Variants in KSR2 observed in about 807,000 individuals in gnomAD.
KSR2 encodes kinase suppressor of ras 2.
Under a neutral mutation model 107.8 loss-of-function variants are expected in KSR2, and 25 were observed. The observed-to-expected ratio is 0.23, with a 90% CI of 0.17 to 0.32. KSR2 has a LOEUF of 0.32. Ranked by LOEUF, KSR2 falls within the 10% of genes least tolerant of loss-of-function variation. The pLI is 1.00. For synonymous variants in KSR2, 480 were observed against 507.0 expected (o/e 0.95, Z 0.71); for missense variants, 887 against 1,268.9 (o/e 0.70, Z 4.57).
At chr12:117,741,023 T>G (rs995379916) in intron 4 of KSR2, among the ~76,000 whole-genome samples, 2 of 152,190 alleles carry the variant, frequency 1.3e-5, no homozygotes, top group African/African-American at 4.8e-5. Flanking sequence ...TTATTCACTC[T>G]TCTATCTCTG....
chr12:117,832,520 C>T (rs1892015593), intron 3 of KSR2, among the ~76,000 whole-genome samples: 1 of 152,240 alleles, frequency 6.6e-6, no homozygotes, highest in South Asian at 2.1e-4. Flanking sequence ...CATCACCTCA[C>T]TGCGTCCTCA....
intron 4 of KSR2, among the ~76,000 whole-genome samples, chr12:117,734,890 A>G (rs1887880736): frequency 6.6e-6 from 1 of 152,196 alleles, no homozygotes; most frequent in African/African-American, 2.4e-5. Context: ...TAGAGAACAC[A>G]GAGGAGCTTC....
At chr12:117,584,156 T>A (rs575836775) in intron 5 of KSR2, among the ~76,000 whole-genome samples, 2 of 152,312 alleles carry the variant, frequency 1.3e-5, no homozygotes, top group East Asian at 1.9e-4. Flanking sequence ...GCATGATTTA[T>A]CAATCAGAAT....
chr12:117,783,713 G>A (rs1889964823), intron 3 of KSR2, among the ~76,000 whole-genome samples: 1 of 152,176 alleles, frequency 6.6e-6, no homozygotes. Context: ...GCCAAAAGTT[G>A]GCAGGATTTA....
chr12:117,502,083 A>G (rs192212861), intron 14 of KSR2, among the ~76,000 whole-genome samples: 2 of 152,366 alleles, frequency 1.3e-5, no homozygotes, highest in Admixed American at 6.5e-5. Flanking sequence ...AAAAGCCACA[A>G]GTGTGACATA....
chr12:117,568,111 CCCAGCA>C (rs1408418126), intron 7 of KSR2, among the ~76,000 whole-genome samples: 7 of 152,134 alleles, frequency 4.6e-5, no homozygotes, highest in African/African-American at 1.7e-4. Context: ...ACCAGGAACC[CCCAGCA>C]CTTTTCTCTC....
intron 4 of KSR2, among the ~76,000 whole-genome samples, chr12:117,714,557 C>A (rs1886907581): frequency 6.6e-6 from 1 of 152,180 alleles, no homozygotes; most frequent in South Asian, 2.1e-4. Context: ...ACCTTTGAAG[C>A]AACGATTCTC....
At chr12:117,604,841 G>C (rs2136299230) in intron 5 of KSR2, among the ~76,000 whole-genome samples, 1 of 152,282 alleles carries the variant, frequency 6.6e-6, no homozygotes, top group South Asian at 2.1e-4. Flanking sequence ...TCTGACGGAG[G>C]TGGCCCGCTG....
chr12:117,911,056 A>C (rs2137427587), intron 1 of KSR2, among the ~76,000 whole-genome samples: 1 of 152,168 alleles, frequency 6.6e-6, no homozygotes, highest in South Asian at 2.1e-4. Flanking sequence ...ATCCTTCAAA[A>C]CCCAATTCAA....
At chr12:117,916,244 C>A (rs1895170982) in intron 1 of KSR2, among the ~76,000 whole-genome samples, 1 of 146,454 alleles carries the variant, frequency 6.8e-6, no homozygotes, top group East Asian at 2.1e-4. Flanking sequence ...TCAAGCAATT[C>A]TCCTGCCTCA....
chr12:117,790,285 A>G (rs939073989), intron 3 of KSR2, among the ~76,000 whole-genome samples: 4 of 152,180 alleles, frequency 2.6e-5, no homozygotes, highest in African/African-American at 9.7e-5. Context: ...GGCAGGAGAC[A>G]TCAATCAGCA....
intron 3 of KSR2, among the ~76,000 whole-genome samples, chr12:117,811,125 G>C (rs777154832): frequency 6.6e-6 from 1 of 152,056 alleles, no homozygotes; most frequent in Non-Finnish European, 1.5e-5. Flanking sequence ...GGGCAGGCCT[G>C]GCAAATAGAA....
intron 14 of KSR2, among the ~76,000 whole-genome samples, chr12:117,520,173 C>T (rs1874656980): frequency 6.6e-6 from 1 of 152,130 alleles, no homozygotes; most frequent in Non-Finnish European, 1.5e-5. Flanking sequence ...TTTGCTTAGT[C>T]CCAGTTCTGC....
chr12:117,779,191 G>C (rs994743429), intron 3 of KSR2, among the ~76,000 whole-genome samples: 1 of 152,208 alleles, frequency 6.6e-6, no homozygotes, highest in Non-Finnish European at 1.5e-5. Flanking sequence ...CTAAGAGAAA[G>C]GTGCTGTGTA....
chr12:117,779,491 T>C (rs1006911768), intron 3 of KSR2, among the ~76,000 whole-genome samples: 1 of 152,106 alleles, frequency 6.6e-6, no homozygotes, highest in African/African-American at 2.4e-5. Flanking sequence ...AAGCAAGCAG[T>C]GGGCCTGCTA....
intron 5 of KSR2, among the ~76,000 whole-genome samples, chr12:117,652,862 C>T (rs1027279970): frequency 2.6e-5 from 4 of 152,222 alleles, no homozygotes; most frequent in South Asian, 2.1e-4. Flanking sequence ...AGTGGGTCTC[C>T]GGACTCATCC....
At chr12:117,940,929 T>C (rs1293830763) in intron 1 of KSR2, among the ~76,000 whole-genome samples, 4 of 151,854 alleles carry the variant, frequency 2.6e-5, no homozygotes, top group Admixed American at 1.3e-4. Context: ...CTACTAAAAA[T>C]ACAAAAATTA....
chr12:117,541,124 G>A (rs1334188695), intron 9 of KSR2, among the ~76,000 whole-genome samples: 7 of 151,522 alleles, frequency 4.6e-5, no homozygotes, highest in African/African-American at 1.7e-4. Context: ...GGGGGGAACA[G>A]TAGCTGATGT....
intron 5 of KSR2, among the ~76,000 whole-genome samples, chr12:117,588,917 C>T (rs546695884): frequency 6.6e-6 from 1 of 152,198 alleles, no homozygotes; most frequent in African/African-American, 2.4e-5. Flanking sequence ...GAGAGCAATG[C>T]TCAGACATAT....
Sources: gnomAD v4.1 joint callset for allele counts (sites outside exome capture counted in the v4.1 genomes callset) on GRCh38, gnomAD v4.1.1 for gene constraint, MANE v1.5 for transcripts, NCBI Gene and HGNC (gene_info 2026-07-23, HGNC 2026-07-21) for gene names.